ECPAS: variants seen among roughly 807,000 people sequenced by gnomAD.
ECPAS encodes the protein Ecm29 proteasome adaptor and scaffold.
A neutral mutation model predicts 255.1 loss-of-function variants in ECPAS; 70 were observed. The observed-to-expected ratio is 0.27, with a 90% CI of 0.23 to 0.33. The LOEUF (loss-of-function observed/expected upper bound fraction) is 0.33. ECPAS is among the 10% of genes least tolerant of loss of function. The pLI, the probability that ECPAS is intolerant of heterozygous loss-of-function variation, is 1.00. For synonymous variants in ECPAS, 784 were observed against 775.0 expected, an observed-to-expected ratio of 1.01 and a Z score of -0.19; for missense variants, 1,817 against 2,206.4, an observed-to-expected ratio of 0.82 and a Z score of 3.54.
At chr9:111,377,766 T>G (rs530441310) in intron 36 of ECPAS, among the ~76,000 whole-genome samples, 1 of 152,330 alleles carries the variant, frequency 6.6e-6, no homozygotes, top group South Asian at 2.1e-4. Context: ...GATACTGTGG[T>G]GATTGGGAGA....
intron 36 of ECPAS, among the ~76,000 whole-genome samples, chr9:111,376,833 A>G (rs1314259947): frequency 6.6e-6 from 1 of 152,222 alleles, no homozygotes; most frequent in African/African-American, 2.4e-5. Flanking sequence ...GAGGTTCTCC[A>G]TCCACTAAAT....
intron 2 of ECPAS, among the ~76,000 whole-genome samples, chr9:111,456,527 A>C (rs2098267204): frequency 6.6e-6 from 1 of 152,198 alleles, no homozygotes; most frequent in Non-Finnish European, 1.5e-5. Context: ...AGAATATCCA[A>C]ACGTTCACTA....
chr9:111,391,010 G>A (rs73656238), intron 29 of ECPAS, among the ~76,000 whole-genome samples: 8,494 of 152,138 alleles, frequency 0.056, 573 homozygotes, highest in African/African-American at 0.15. Flanking sequence ...GGGCTCCCAC[G>A]CAGCAGCCCA....
At chr9:111,483,889 T>G in intron 1 of ECPAS, 1 of 554,062 alleles carries the variant, frequency 1.8e-6, no homozygotes, top group Non-Finnish European at 2.3e-6. Flanking sequence ...GCCGGTTTTA[T>G]ATTTAGAAAG....
At chr9:111,455,344 C>T (rs557173096) in intron 2 of ECPAS, among the ~76,000 whole-genome samples, 11 of 152,196 alleles carry the variant, frequency 7.2e-5, no homozygotes, top group African/African-American at 1.9e-4. Flanking sequence ...ATTAGCCGGG[C>T]GTGGTGGCGG....
intron 32 of ECPAS, 118 bp downstream of exon 32, chr9:111,386,259 C>T (rs978726929): frequency 2.1e-5 from 15 of 728,726 alleles, no homozygotes; most frequent in African/African-American, 7.2e-5. Flanking sequence ...CCACCACGCC[C>T]GGCCAGCTTT....
rs2098217133 is a variant in ECPAS, at chr9:111,423,398, T to C, written c.1216-150A>G. 36 of 600,038 alleles carry C rather than the reference T, an allele frequency of 6.0e-5. 1 individual carries two copies. The East Asian group carries it at 9.3e-4, about 15-fold the overall frequency. The allele number at this position is 600,038 out of a possible 1,614,324, so 37.2% of individuals were successfully genotyped here. On this transcript the variant is annotated intron_variant, in intron 12 of 49. Transcript: ENST00000684092. The stretch of plus-strand genomic sequence containing the variant: ...GGTCTCACTCTGTCTAACTACATGG[T>C]GTTAGCACCTGAACAACAACAAAAA...
chr9:111,435,874 G>GA (rs2098237441), intron 7 of ECPAS, among the ~76,000 whole-genome samples: 1 of 111,548 alleles, frequency 9.0e-6, no homozygotes, highest in Non-Finnish European at 1.9e-5. Flanking sequence ...TTTTTAAGAA[G>GA]AAACAGGGTT....
chr9:111,428,432 T>A (rs1018012635), intron 9 of ECPAS, among the ~76,000 whole-genome samples: 11 of 152,180 alleles, frequency 7.2e-5, no homozygotes, highest in African/African-American at 2.7e-4. Flanking sequence ...CTAACATTTT[T>A]ATAAAAAATA....
chr9:111,429,395 G>A (rs2131837108), intron 9 of ECPAS, among the ~76,000 whole-genome samples: 2 of 152,096 alleles, frequency 1.3e-5, no homozygotes, highest in South Asian at 2.1e-4. Context: ...TGCAAATATT[G>A]ACACAGTACA....
At chr9:111,400,073 G>C (rs1184909788) in intron 24 of ECPAS, among the ~76,000 whole-genome samples, 1 of 152,188 alleles carries the variant, frequency 6.6e-6, no homozygotes, top group Non-Finnish European at 1.5e-5. Context: ...CCTCTACCTG[G>C]GGGAGAGAGA....
At chr9:111,363,950 A>C (rs1369306460) in intron 48 of ECPAS, among the ~76,000 whole-genome samples, 2 of 152,184 alleles carry the variant, frequency 1.3e-5, no homozygotes, top group African/African-American at 2.4e-5. Context: ...GGAGATGAAA[A>C]AACTATCTCA....
chr9:111,377,632 AC>A (rs1482766036), intron 36 of ECPAS, among the ~76,000 whole-genome samples: 1 of 152,242 alleles, frequency 6.6e-6, no homozygotes, highest in Non-Finnish European at 1.5e-5. Context: ...AAATCACAGA[AC>A]AACATTCACG....
At chr9:111,482,532 C>A (rs889987180) in intron 1 of ECPAS, among the ~76,000 whole-genome samples, 2 of 152,036 alleles carry the variant, frequency 1.3e-5, no homozygotes, top group Non-Finnish European at 2.9e-5. Flanking sequence ...GCGGCTTTAA[C>A]AACGTAAGCT....
At chr9:111,446,533 A>G (rs1019095402) in intron 3 of ECPAS, among the ~76,000 whole-genome samples, 4 of 152,256 alleles carry the variant, frequency 2.6e-5, no homozygotes, top group Admixed American at 1.3e-4. Flanking sequence ...ATCTACAGCA[A>G]TAATGAAATA....
At chr9:111,376,762 A>C (rs1163488719) in intron 36 of ECPAS, among the ~76,000 whole-genome samples, 1 of 152,240 alleles carries the variant, frequency 6.6e-6, no homozygotes, top group African/African-American at 2.4e-5. Flanking sequence ...AGAAATTCAG[A>C]TAACAGTTAA....
chr9:111,396,156 A>G (rs1443945623), intron 25 of ECPAS, among the ~76,000 whole-genome samples: 2 of 152,226 alleles, frequency 1.3e-5, no homozygotes, highest in Non-Finnish European at 2.9e-5. Context: ...TTGAGAGGAT[A>G]AAATATAAAA....
At chr9:111,374,126 CAT>C (rs1178275652) in intron 38 of ECPAS, 88 bp from the exon 39 acceptor site, 12 of 976,604 alleles carry the variant, frequency 1.2e-5, no homozygotes, top group Non-Finnish European at 1.8e-5. Flanking sequence ...AAAATTTAAA[CAT>C]ATAAAATACA....
intron 36 of ECPAS, 64 bp from the exon 37 acceptor site, chr9:111,376,605 C>A: frequency 1.6e-6 from 2 of 1,217,032 alleles, no homozygotes; most frequent in Non-Finnish European, 2.4e-6. Context: ...CGCACAAACA[C>A]CCATAAAAGA....
Sources: gnomAD v4.1 joint callset for allele counts (sites outside exome capture counted in the v4.1 genomes callset) on GRCh38, gnomAD v4.1.1 for gene constraint, MANE v1.5 for transcripts, NCBI Gene and HGNC (gene_info 2026-07-23, HGNC 2026-07-21) for gene names.